CELF2: variants seen among roughly 807,000 people sequenced by gnomAD.
CELF2 encodes CUGBP Elav-like family member 2, also known as CUG triplet repeat RNA-binding protein 2.
CELF2 carries 8 observed loss-of-function variants against 62.6 expected under a neutral mutation model. The observed-to-expected ratio is 0.13, with a 90% CI of 0.07 to 0.23. CELF2 has a LOEUF of 0.23. Ranked by LOEUF, CELF2 falls within the 10% of genes least tolerant of loss-of-function variation. CELF2 has a pLI of 1.00. For missense variants in CELF2, 333 were observed against 671.0 expected (o/e 0.50, Z 5.56); for synonymous variants, 258 against 250.0 (o/e 1.03, Z -0.30).
chr10:11,142,785 T>C (rs2061574613), intron 1 of CELF2, among the ~76,000 whole-genome samples: 2 of 151,000 alleles, frequency 1.3e-5, no homozygotes, highest in Admixed American at 6.6e-5. Flanking sequence ...AACTCAGTAG[T>C]GGTGCGTGGA....
rs2066115817 is a variant in CELF2 at position 10,931,989 on chromosome 10, A to G, written c.89+11990A>G. Among the ~76,000 whole-genome samples, 1 of 152,158 alleles carries G rather than the reference A, an allele frequency of 6.6e-6. No individual in the cohort carries two copies. The highest frequency in any genetic ancestry group is 1.5e-5 in the Non-Finnish European group (1 of 68,020). Reference sequence around the variant, plus strand: ...ATGAGTCTTATTCACTATCATGAGAACAGCATGGGAAAGACCTGCCCCCAT... The same window carrying G: ...ATGAGTCTTATTCACTATCATGAGAGCAGCATGGGAAAGACCTGCCCCCAT... On this transcript the variant is annotated intron_variant, in intron 2 of 13. Coordinates refer to the CELF2 transcript ENST00000636488. The surrounding 1 kb of genome is among the most constrained non-coding windows in gnomAD (Gnocchi z 6.1).
the CELF2 span, among the ~76,000 whole-genome samples, chr10:10,553,364 C>T: frequency 0.11 from 16,017 of 152,144 alleles, 1,308 homozygotes; most frequent in African/African-American, 0.23. Flanking sequence ...CACAGCCAAA[C>T]CATATAATGC....
At chr10:10,470,428 A>C in the CELF2 span, among the ~76,000 whole-genome samples, 15 of 151,798 alleles carry the variant, frequency 9.9e-5, no homozygotes, top group Non-Finnish European at 1.8e-4. Flanking sequence ...AAGTGTCAGC[A>C]GGCCTGTAGT....
At chr10:10,669,290 A>G in the CELF2 span, among the ~76,000 whole-genome samples, 9 of 152,354 alleles carry the variant, frequency 5.9e-5, no homozygotes, top group African/African-American at 2.2e-4. Context: ...GAGAGAATAT[A>G]TGTGTTGCTA....
rs2076309799 is a variant in CELF2, at chr10:11,191,635, G to A, written c.272-25790G>A. ...GCCTGCCCTTGGGTTTCATTTAACT[G>A]TGGCCTCCCCAGGATGTTACACGTC... On this transcript the variant is annotated intron_variant, in intron 2 of 12. Coordinates refer to ENST00000633077, the MANE Select transcript of CELF2 (RefSeq NM_001326342.2). This position sits in a 1 kb window ranked among gnomAD's most constrained non-coding sequence, Gnocchi z 4.1. Among the ~76,000 whole-genome samples the A allele has an allele frequency of 6.6e-6, 1 of 152,172 alleles. No homozygotes were observed. The highest frequency in any genetic ancestry group is 6.5e-5 in the Admixed American group (1 of 15,284).
At chr10:10,656,817 C>A in the CELF2 span, among the ~76,000 whole-genome samples, 1 of 144,038 alleles carries the variant, frequency 6.9e-6, no homozygotes, top group Non-Finnish European at 1.5e-5. Context: ...CACATGTATA[C>A]ATATGTAACT....
intron 1 of CELF2, among the ~76,000 whole-genome samples, chr10:11,024,665 C>T (rs1457796849): frequency 1.3e-5 from 2 of 152,138 alleles, no homozygotes; most frequent in South Asian, 4.1e-4. Context: ...AAGTTTGTCT[C>T]CTCAGTGAGA....
chr10:11,081,581 G>A (rs896760411), intron 1 of CELF2, among the ~76,000 whole-genome samples: 14 of 152,014 alleles, frequency 9.2e-5, no homozygotes, highest in African/African-American at 3.4e-4. Context: ...GAAGAGTTGA[G>A]ATAGAAAAAA....
In CELF2 at chr10:10,931,313, C is replaced by A. The variant is rs893679122; in HGVS notation, c.89+11314C>A. ...ATGAGCCAGCAGAGAAAATAAATTC[C>A]CCATTAGGCCTGACTATTCATCCTT... On this transcript the variant is annotated intron_variant, in intron 2 of 13. Transcript: ENST00000636488. This position sits in a 1 kb window ranked among gnomAD's most constrained non-coding sequence, Gnocchi z 6.1. Among the ~76,000 whole-genome samples the A allele has an allele frequency of 6.6e-6, 1 of 152,080 alleles. No homozygotes were observed. Among genetic ancestry groups the A allele is most frequent in the Non-Finnish European group, 1.5e-5 (1 of 68,034 alleles).
the CELF2 span, among the ~76,000 whole-genome samples, chr10:10,726,148 A>G: frequency 6.6e-6 from 1 of 151,878 alleles, no homozygotes; most frequent in Non-Finnish European, 1.5e-5. Flanking sequence ...GAGGACACCA[A>G]CACACCTTCA....
rs2071633206 is a variant in CELF2 at position 11,237,015 on chromosome 10, T to C, written c.355-12138T>C. 6.6e-6 allele frequency among the ~76,000 whole-genome samples: 1 copy of C among 152,062 alleles called. No individual in the cohort carries two copies. Among genetic ancestry groups the C allele is most frequent in the African/African-American group, 2.4e-5 (1 of 41,382 alleles). On this transcript the variant is annotated intron_variant, in intron 3 of 12. Coordinates refer to ENST00000633077, the MANE Select transcript of CELF2 (RefSeq NM_001326342.2). This position sits in a 1 kb window ranked among gnomAD's most constrained non-coding sequence, Gnocchi z 4.0. ...TAATTTGGTAGATAAGTCAAAGTCTTTGAGTGGGGGAGAAAAATTTCTAGA... is the reference window on the plus strand; with the variant it reads ...TAATTTGGTAGATAAGTCAAAGTCTCTGAGTGGGGGAGAAAAATTTCTAGA...
the CELF2 span, among the ~76,000 whole-genome samples, chr10:10,685,776 CA>C: frequency 6.6e-6 from 1 of 152,188 alleles, no homozygotes; most frequent in Non-Finnish European, 1.5e-5. Context: ...AAGTAGACCA[CA>C]GCTACTTTCA....
At chr10:11,137,413 A>C (rs2060610490) in intron 1 of CELF2, among the ~76,000 whole-genome samples, 1 of 152,244 alleles carries the variant, frequency 6.6e-6, no homozygotes, top group South Asian at 2.1e-4. Flanking sequence ...AAGCCGTGTT[A>C]GTACAATGCT....
chr10:10,850,081 G>A (rs139937373), intron 1 of CELF2, among the ~76,000 whole-genome samples: 16 of 152,202 alleles, frequency 1.1e-4, no homozygotes, highest in Admixed American at 6.5e-5. Flanking sequence ...CCTGGGAGGC[G>A]GAGATTGCAG....
the CELF2 span, among the ~76,000 whole-genome samples, chr10:10,696,262 G>T: frequency 2.0e-4 from 31 of 151,970 alleles, no homozygotes; most frequent in South Asian, 1.0e-3. Context: ...GTACCCTGCC[G>T]TGTGAGGTGT....
rs946152035 is a variant in CELF2 at position 11,260,870 on chromosome 10, T to C, written c.538+2998T>C. Among the ~76,000 whole-genome samples, 3 of 152,210 alleles carry C rather than the reference T, an allele frequency of 2.0e-5. No individual in the cohort carries two copies. In the South Asian group the frequency reaches 6.2e-4, roughly 32 times the overall value. On this transcript the variant is annotated intron_variant, in intron 5 of 12. Transcript: ENST00000633077. The surrounding 1 kb of genome is among the most constrained non-coding windows in gnomAD (Gnocchi z 4.2). ...TCAGTGTATTTGTTAAAAGCACAATTCTCTTTCATGCTACCATTTTGCTTT... is the reference window on the plus strand; with the variant it reads ...TCAGTGTATTTGTTAAAAGCACAATCCTCTTTCATGCTACCATTTTGCTTT...
At chr10:10,930,963 T>C (rs541646421) in intron 2 of CELF2, among the ~76,000 whole-genome samples, 1 of 152,230 alleles carries the variant, frequency 6.6e-6, no homozygotes, top group Non-Finnish European at 1.5e-5. Context: ...AGAGTTTCTG[T>C]GCCTGCCCAA....
At chr10:10,942,728 G>A (rs998064843) in intron 2 of CELF2, among the ~76,000 whole-genome samples, 2 of 152,204 alleles carry the variant, frequency 1.3e-5, no homozygotes, top group South Asian at 4.1e-4. Context: ...CATTTTAGAT[G>A]CTTTATACGC....
chr10:10,930,719 T>C (rs1271937789), intron 2 of CELF2, among the ~76,000 whole-genome samples: 10 of 152,232 alleles, frequency 6.6e-5, no homozygotes, highest in African/African-American at 9.6e-5. Flanking sequence ...AAGTTGCTCG[T>C]CCCTTGGGTG....
Sources: gnomAD v4.1 joint callset for allele counts (sites outside exome capture counted in the v4.1 genomes callset) on GRCh38, gnomAD v4.1.1 for gene constraint, Gnocchi (gnomAD v3.1) non-coding constraint, MANE v1.5 for transcripts, NCBI Gene and HGNC (gene_info 2026-07-23, HGNC 2026-07-21) for gene names.